The following TXNDC11 variants were observed in gnomAD, a reference collection of about 807,000 sequenced individuals.
TXNDC11 encodes the protein thioredoxin domain-containing protein 11.
Under a neutral mutation model 78.0 loss-of-function variants are expected in TXNDC11, and 68 were observed. That is an observed-to-expected ratio of 0.87 (90% CI 0.72 to 1.07). The LOEUF (loss-of-function observed/expected upper bound fraction) is 1.07, where lower values mean the gene tolerates loss of function less well. Ranked by LOEUF, TXNDC11 falls within the 50% of genes least tolerant of loss-of-function variation. TXNDC11 has a pLI of 0.00. For synonymous variants in TXNDC11, 571 were observed against 495.2 expected (o/e 1.15, Z -2.03); for missense variants, 1,389 against 1,221.8 (o/e 1.14, Z -2.04).
intron 5 of TXNDC11, among the ~76,000 whole-genome samples, chr16:11,709,429 T>C (rs1303262256): frequency 9.7e-6 from 1 of 103,076 alleles, no homozygotes; most frequent in East Asian, 2.8e-4. Flanking sequence ...TTGTATTTTT[T>C]TTTTTTTTTT....
In TXNDC11 at chr16:11,691,745, A is replaced by G; in HGVS notation, c.1445T>C (p.Phe482Ser). 6.2e-7 allele frequency: 1 copy of G among 1,614,248 alleles called. No homozygotes were observed. The highest frequency in any genetic ancestry group is 8.5e-7 in the Non-Finnish European group (1 of 1,180,050). ...LDSFYLKEQT[F>S]YHVASDSIEC... The stretch of plus-strand genomic sequence containing the variant: ...TATGCTGTCTGATGCCACATGATAA[A>G]AGGTCTGCTCCTTGAGGTAGAAAGA... Residue 482 changes from phenylalanine (F) to serine (S), a missense_variant, in exon 8 of 12, where the codon TTT (phenylalanine) becomes TCT (serine). Phe to Ser is a radical substitution (Grantham distance 155, BLOSUM62 -2). Coordinates refer to ENST00000283033, the MANE Select transcript of TXNDC11 (RefSeq NM_015914.7).
At chr16:11,693,806 A>G (rs1336509092) in intron 7 of TXNDC11, among the ~76,000 whole-genome samples, 1 of 152,208 alleles carries the variant, frequency 6.6e-6, no homozygotes, top group Admixed American at 6.5e-5. Context: ...TCAAGCCTAT[A>G]TAATCCGTGA....
intron 10 of TXNDC11, among the ~76,000 whole-genome samples, chr16:11,685,646 C>T (rs1018048846): frequency 1.9e-4 from 28 of 150,586 alleles, no homozygotes; most frequent in Admixed American, 5.3e-4. Flanking sequence ...AAGACTCCAT[C>T]TCAAAAAAAA....
chr16:11,698,075 A>C, intron 7 of TXNDC11, 50 bp downstream of exon 7: 1 of 1,567,112 alleles, frequency 6.4e-7, no homozygotes, highest in Non-Finnish European at 8.8e-7. Context: ...AGCCAGGTAG[A>C]TGAGGCTTTC....
chr16:11,713,579 C>T (rs572090551), intron 5 of TXNDC11, among the ~76,000 whole-genome samples: 8 of 151,900 alleles, frequency 5.3e-5, no homozygotes, highest in Non-Finnish European at 1.0e-4. Flanking sequence ...ACCATGCCTG[C>T]CTATTTTTGT....
At chr16:11,737,915 T>C (rs1055675560) in intron 1 of TXNDC11, among the ~76,000 whole-genome samples, 2 of 129,902 alleles carry the variant, frequency 1.5e-5, no homozygotes, top group Non-Finnish European at 1.6e-5. Context: ...CCAGACAGGA[T>C]AAAGCAAGAC....
intron 1 of TXNDC11, 33 bp downstream of exon 1, chr16:11,742,444 C>G: frequency 7.3e-7 from 1 of 1,378,294 alleles, no homozygotes; most frequent in Non-Finnish European, 9.3e-7. Context: ...AGGGGAGCGC[C>G]CTAGCGGGGC....
intron 10 of TXNDC11, 35 bp from the exon 11 acceptor site, chr16:11,684,280 C>T: frequency 1.3e-6 from 2 of 1,537,748 alleles, no homozygotes; most frequent in South Asian, 2.3e-5. Context: ...GGCAGATGAT[C>T]AGCCCAAGAA....
intron 4 of TXNDC11, among the ~76,000 whole-genome samples, chr16:11,724,760 T>C (rs1470555799): frequency 6.6e-6 from 1 of 152,200 alleles, no homozygotes; most frequent in Non-Finnish European, 1.5e-5. Flanking sequence ...TTTTCTCTTT[T>C]TTGGAGACAG....
intron 5 of TXNDC11, among the ~76,000 whole-genome samples, chr16:11,704,720 G>T (rs1440962461): frequency 6.6e-6 from 1 of 152,136 alleles, no homozygotes; most frequent in Non-Finnish European, 1.5e-5. Context: ...AAGTGTCAAG[G>T]TTATAAAGGA....
At chr16:11,699,684 G>C (rs1174109198) in intron 6 of TXNDC11, among the ~76,000 whole-genome samples, 2 of 152,280 alleles carry the variant, frequency 1.3e-5, no homozygotes, top group African/African-American at 4.8e-5. Context: ...CCCCTCCGAA[G>C]GCACAAGACT....
intron 5 of TXNDC11, among the ~76,000 whole-genome samples, chr16:11,714,952 G>C (rs1183377910): frequency 6.6e-6 from 1 of 151,706 alleles, no homozygotes; most frequent in Non-Finnish European, 1.5e-5. Context: ...ACAATATTTT[G>C]GTTAATAGTT....
intron 5 of TXNDC11, among the ~76,000 whole-genome samples, chr16:11,714,426 G>T (rs1054684604): frequency 6.6e-6 from 1 of 152,106 alleles, no homozygotes; most frequent in Admixed American, 6.5e-5. Context: ...GGATCACGAG[G>T]TCGGGGATCA....
At chr16:11,696,927 A>G (rs1157708792) in intron 7 of TXNDC11, among the ~76,000 whole-genome samples, 1 of 152,150 alleles carries the variant, frequency 6.6e-6, no homozygotes, top group African/African-American at 2.4e-5. Context: ...CTCCAAATCC[A>G]CAACCACAGC....
At chr16:11,725,337 ATTCTT>A (rs753147192) in intron 4 of TXNDC11, among the ~76,000 whole-genome samples, 7 of 146,518 alleles carry the variant, frequency 4.8e-5, no homozygotes, top group East Asian at 2.0e-4. Context: ...ATCCATATTT[ATTCTT>A]TTAAGTATTC....
intron 5 of TXNDC11, among the ~76,000 whole-genome samples, chr16:11,702,171 T>C (rs546178694): frequency 2.0e-5 from 3 of 151,878 alleles, no homozygotes; most frequent in Non-Finnish European, 4.4e-5. Flanking sequence ...AAAAGGATAA[T>C]GAAAGTGGTT....
chr16:11,699,109 A>G (rs2050938711), intron 6 of TXNDC11, among the ~76,000 whole-genome samples: 1 of 152,244 alleles, frequency 6.6e-6, no homozygotes, highest in African/African-American at 2.4e-5. Flanking sequence ...CAAAACGAAG[A>G]TTTAAATTGA....
At chr16:11,691,048 A>ACC in intron 8 of TXNDC11, 1 of 526,360 alleles carries the variant, frequency 1.9e-6, no homozygotes, top group South Asian at 2.3e-5. Flanking sequence ...TGGGACTCTT[A>ACC]CCCCCACCAT....
intron 4 of TXNDC11, among the ~76,000 whole-genome samples, chr16:11,723,897 G>C (rs1348148574): frequency 6.6e-6 from 1 of 152,138 alleles, no homozygotes; most frequent in East Asian, 1.9e-4. Context: ...AGAAATTCAT[G>C]GAAAGATTCT....
Sources: gnomAD v4.1 joint callset for allele counts (sites outside exome capture counted in the v4.1 genomes callset) on GRCh38, gnomAD v4.1.1 for gene constraint, MANE v1.5 for transcripts, NCBI Gene and HGNC (gene_info 2026-07-23, HGNC 2026-07-21) for gene names.